Variants in CACNA2D3 observed in about 807,000 individuals in gnomAD.
The protein encoded by CACNA2D3 is calcium voltage-gated channel auxiliary subunit alpha2delta 3, also known as voltage-dependent calcium channel subunit alpha-2/delta-3.
CACNA2D3 carries 60 observed loss-of-function variants against 160.6 expected under a neutral mutation model. The observed-to-expected ratio is 0.37, with a 90% CI of 0.30 to 0.46. The LOEUF (loss-of-function observed/expected upper bound fraction) is 0.46. Ranked by LOEUF, CACNA2D3 falls within the 20% of genes least tolerant of loss-of-function variation. CACNA2D3 has a pLI of 1.00. For missense variants in CACNA2D3, 1,205 were observed against 1,365.0 expected, an observed-to-expected ratio of 0.88 and a Z score of 1.85; for synonymous variants, 558 against 492.9, an observed-to-expected ratio of 1.13 and a Z score of -1.75.
chr3:54,886,802 T>G (rs761821048), intron 23 of CACNA2D3, among the ~76,000 whole-genome samples: 9 of 151,996 alleles, frequency 5.9e-5, no homozygotes, highest in Non-Finnish European at 1.3e-4. Flanking sequence ...ACCCATTATA[T>G]TTTTGAAATT....
intron 10 of CACNA2D3, chr3:54,638,316 C>G (rs979054307): frequency 6.6e-6 from 1 of 151,950 alleles, no homozygotes; most frequent in Non-Finnish European, 1.5e-5. Flanking sequence ...TAAACACTAT[C>G]TGATTTGGGA....
intron 31 of CACNA2D3, among the ~76,000 whole-genome samples, chr3:54,989,619 A>C (rs1702694302): frequency 1.3e-5 from 2 of 152,196 alleles, no homozygotes; most frequent in African/African-American, 4.8e-5. Context: ...TGGTTTCTCT[A>C]CATGGAAAAT....
At chr3:54,401,520 T>C (rs968807508) in intron 4 of CACNA2D3, among the ~76,000 whole-genome samples, 1 of 152,120 alleles carries the variant, frequency 6.6e-6, no homozygotes, top group African/African-American at 2.4e-5. Context: ...TCAGGTCACA[T>C]ATAAGGGAAA....
At chr3:54,144,786 A>G (rs893082872) in intron 2 of CACNA2D3, among the ~76,000 whole-genome samples, 17 of 152,378 alleles carry the variant, frequency 1.1e-4, no homozygotes, top group African/African-American at 3.1e-4. Context: ...GTGAAATAAT[A>G]CATGTCAAGA....
intron 13 of CACNA2D3, among the ~76,000 whole-genome samples, chr3:54,788,727 C>G (rs1218746877): frequency 6.6e-6 from 1 of 152,148 alleles, no homozygotes; most frequent in Admixed American, 6.6e-5. Flanking sequence ...GTCCAAGTTT[C>G]TCTACTTCAT....
intron 31 of CACNA2D3, among the ~76,000 whole-genome samples, chr3:55,002,878 C>T (rs116308917): frequency 0.011 from 1,614 of 152,204 alleles, 31 homozygotes; most frequent in African/African-American, 0.037. Flanking sequence ...CGGTAATGTC[C>T]GTAAGTTACT....
intron 27 of CACNA2D3, among the ~76,000 whole-genome samples, chr3:54,917,372 C>T (rs939293162): frequency 3.9e-5 from 6 of 152,164 alleles, no homozygotes; most frequent in African/African-American, 1.2e-4. Flanking sequence ...GGATAGCTGC[C>T]GCCACCTATC....
chr3:54,852,417 A>G (rs1699079094), intron 17 of CACNA2D3, among the ~76,000 whole-genome samples: 1 of 152,186 alleles, frequency 6.6e-6, no homozygotes, highest in African/African-American at 2.4e-5. Context: ...TGCCAAAGCC[A>G]TTTCTGTTGT....
At chr3:54,993,885 AGTGTGTGTGTGTGT>A (rs34012508) in intron 31 of CACNA2D3, among the ~76,000 whole-genome samples, 12 of 111,544 alleles carry the variant, frequency 1.1e-4, no homozygotes, top group Admixed American at 4.0e-4. Context: ...TGCAACTGCT[AGTGTGTGTGTGTGT>A]GTGTGTGTGT....
At chr3:55,001,546 C>T (rs1702979552) in intron 31 of CACNA2D3, among the ~76,000 whole-genome samples, 1 of 152,092 alleles carries the variant, frequency 6.6e-6, no homozygotes, top group African/African-American at 2.4e-5. Context: ...ACTGAGGCAC[C>T]AAGAGGGTTA....
intron 5 of CACNA2D3, among the ~76,000 whole-genome samples, chr3:54,555,718 G>A (rs1372484649): frequency 2.0e-5 from 3 of 152,130 alleles, no homozygotes; most frequent in African/African-American, 4.8e-5. Context: ...GAAGGTAGAG[G>A]AAACAGAACT....
At chr3:54,574,053 G>C (rs1239290002) in intron 8 of CACNA2D3, among the ~76,000 whole-genome samples, 2 of 152,272 alleles carry the variant, frequency 1.3e-5, no homozygotes, top group Middle Eastern at 3.4e-3. Flanking sequence ...CTGCAAATCT[G>C]TGTGAGTGCA....
intron 11 of CACNA2D3, among the ~76,000 whole-genome samples, chr3:54,657,994 A>G (rs1426361435): frequency 3.3e-5 from 5 of 152,226 alleles, no homozygotes; most frequent in Admixed American, 3.3e-4. Flanking sequence ...TTCCTGCCTG[A>G]GCAACAGAGT....
Position 54,642,164 on chromosome 3 carries a change from G to C in CACNA2D3, c.1090G>C (p.Ala364Pro), listed in dbSNP as rs1575401282. The change falls in exon 11 of 38, where the codon GCC (alanine) becomes CCC (proline). Residue 364 changes from alanine to proline, a missense_variant. Physicochemically the swap from Ala to Pro is conservative, Grantham distance 27. Transcript: ENST00000474759. ...HTGQGSICSQ[A>P]IMLITDGAVD... ...GGGACAAGGAAGTATCTGCAGTCAG[G>C]CCATCATGCTCATAACTGATGGGGC... 6.2e-7 allele frequency: 1 copy of C among 1,612,886 alleles called. No homozygotes were observed. Among genetic ancestry groups the C allele is most frequent in the Non-Finnish European group, 8.5e-7 (1 of 1,179,424 alleles).
intron 2 of CACNA2D3, among the ~76,000 whole-genome samples, chr3:54,225,184 A>G (rs1701649685): frequency 6.6e-6 from 1 of 151,878 alleles, no homozygotes; most frequent in Admixed American, 6.6e-5. Flanking sequence ...ATTCCCACCT[A>G]AGAGTGAGAA....
chr3:54,505,641 T>C (rs1191654065), intron 5 of CACNA2D3, among the ~76,000 whole-genome samples: 2 of 152,218 alleles, frequency 1.3e-5, no homozygotes. Context: ...CTTCTTGGCA[T>C]TCAATATATT....
intron 5 of CACNA2D3, among the ~76,000 whole-genome samples, chr3:54,560,303 T>C (rs564178800): frequency 3.3e-4 from 51 of 152,378 alleles, no homozygotes; most frequent in African/African-American, 1.1e-3. Context: ...CAGTATCTCA[T>C]TGTGGTTTTG....
intron 8 of CACNA2D3, among the ~76,000 whole-genome samples, chr3:54,571,761 A>T (rs1460876628): frequency 1.3e-5 from 2 of 152,082 alleles, no homozygotes; most frequent in East Asian, 3.9e-4. Flanking sequence ...ATGGGCGCAG[A>T]GCCTGGGTTT....
chr3:54,221,320 T>G (rs1701566253), intron 2 of CACNA2D3, among the ~76,000 whole-genome samples: 1 of 152,224 alleles, frequency 6.6e-6, no homozygotes, highest in Non-Finnish European at 1.5e-5. Context: ...TTCCAATTAT[T>G]TAGTTTCCAT....
Sources: allele counts gnomAD v4.1 joint callset (sites outside exome capture counted in the v4.1 genomes callset), GRCh38; gene constraint gnomAD v4.1.1; transcripts MANE v1.5; gene names NCBI Gene and HGNC (gene_info 2026-07-23, HGNC 2026-07-21).